ATP8A2: variants seen among roughly 807,000 people sequenced by gnomAD.
The protein encoded by ATP8A2 is ATPase phospholipid transporting 8A2, also known as phospholipid-transporting ATPase IB.
Under a neutral mutation model 165.6 loss-of-function variants are expected in ATP8A2, and 100 were observed. The ratio of observed to expected loss-of-function variants is 0.60; its 90% CI spans 0.51 to 0.71. The LOEUF (loss-of-function observed/expected upper bound fraction) is 0.71, where lower values mean the gene tolerates loss of function less well. Among genes scored for constraint, ATP8A2 ranks in the 30% least tolerant of loss-of-function variants. The pLI is 0.00. For missense variants in ATP8A2, 1,227 were observed against 1,479.5 expected (o/e 0.83, Z 2.80); for synonymous variants, 543 against 548.8 (o/e 0.99, Z 0.15).
intron 6 of ATP8A2, among the ~76,000 whole-genome samples, chr13:25,534,409 T>G (rs1005805636): frequency 1.3e-5 from 2 of 152,190 alleles, no homozygotes; most frequent in African/African-American, 4.8e-5. Flanking sequence ...ATTGCCCCTC[T>G]ATTTCTCTAG....
intron 33 of ATP8A2, among the ~76,000 whole-genome samples, chr13:25,920,925 C>T (rs1393009797): frequency 6.6e-6 from 1 of 152,024 alleles, no homozygotes; most frequent in Non-Finnish European, 1.5e-5. Flanking sequence ...AAAAAATTAG[C>T]CAGGTGTGGT....
intron 33 of ATP8A2, among the ~76,000 whole-genome samples, chr13:25,894,354 C>T (rs1953468967): frequency 6.6e-6 from 1 of 152,126 alleles, no homozygotes; most frequent in Non-Finnish European, 1.5e-5. Context: ...AGATATGCAG[C>T]ATTATTTCTG....
At chr13:25,651,162 C>A (rs1466063035) in intron 24 of ATP8A2, among the ~76,000 whole-genome samples, 1 of 152,216 alleles carries the variant, frequency 6.6e-6, no homozygotes, top group East Asian at 1.9e-4. Context: ...TAAGATTATT[C>A]GGCCAGGCGT....
At chr13:25,403,160 C>T (rs775952824) in intron 1 of ATP8A2, among the ~76,000 whole-genome samples, 3 of 152,112 alleles carry the variant, frequency 2.0e-5, no homozygotes, top group Non-Finnish European at 4.4e-5. Context: ...GACCACAGCA[C>T]CTCTTTTTGC....
At chr13:25,599,044 T>TA (rs2040311359) in intron 24 of ATP8A2, among the ~76,000 whole-genome samples, 1 of 152,208 alleles carries the variant, frequency 6.6e-6, no homozygotes, top group East Asian at 1.9e-4. Context: ...TTTTTTTTTT[T>TA]ATCTTACAGC....
chr13:25,813,824 T>G (rs1293131543), intron 27 of ATP8A2, among the ~76,000 whole-genome samples: 2 of 152,152 alleles, frequency 1.3e-5, no homozygotes, highest in Non-Finnish European at 1.5e-5. Context: ...GGACAGCAGA[T>G]TGCCCTCCCT....
At chr13:25,515,893 G>C (rs1355334850) in intron 2 of ATP8A2, among the ~76,000 whole-genome samples, 1 of 152,128 alleles carries the variant, frequency 6.6e-6, no homozygotes, top group Non-Finnish European at 1.5e-5. Flanking sequence ...TGTGCACTTT[G>C]CTATATATGC....
chr13:25,384,232 A>G (rs1165579724), intron 1 of ATP8A2, among the ~76,000 whole-genome samples: 6 of 152,086 alleles, frequency 3.9e-5, no homozygotes, highest in Non-Finnish European at 7.4e-5. Context: ...TTTAGTTTTG[A>G]TTAGTTTTTA....
intron 32 of ATP8A2, among the ~76,000 whole-genome samples, chr13:25,861,821 G>C (rs1054046953): frequency 6.6e-6 from 1 of 152,192 alleles, no homozygotes; most frequent in African/African-American, 2.4e-5. Context: ...ATGCTTAAAG[G>C]GGCATTGTTA....
chr13:25,437,925 T>C (rs769662821), intron 1 of ATP8A2, among the ~76,000 whole-genome samples: 3 of 152,226 alleles, frequency 2.0e-5, no homozygotes, highest in Non-Finnish European at 4.4e-5. Flanking sequence ...TATAATACTA[T>C]ATGTTGATGA....
intron 30 of ATP8A2, among the ~76,000 whole-genome samples, chr13:25,851,683 C>T (rs751731636): frequency 7.9e-5 from 12 of 152,068 alleles, no homozygotes; most frequent in Non-Finnish European, 1.6e-4. Context: ...AAATTGCCAG[C>T]CTCTGGTACA....
Position 26,020,258 on chromosome 13 carries a change from G to T in ATP8A2, c.*273G>T. 2.3e-6 allele frequency: 1 copy of T among 441,596 alleles called. No individual in the cohort carries two copies. The highest frequency in any genetic ancestry group is 4.1e-6 in the Non-Finnish European group (1 of 246,874). 27.4% of individuals were successfully genotyped at this position (441,596 alleles called of 1,614,324 possible). On this transcript the variant is annotated 3_prime_UTR_variant, in exon 37 of 37. Coordinates refer to ENST00000381655, the MANE Select transcript of ATP8A2 (RefSeq NM_016529.6). ...TGAAGCATTCAACTGTGCTCTGTGA[G>T]GTGTGAAATTAAAAACATTATGTTT...
intron 24 of ATP8A2, among the ~76,000 whole-genome samples, chr13:25,616,480 C>G (rs983140020): frequency 6.6e-6 from 1 of 151,728 alleles, no homozygotes; most frequent in Admixed American, 6.6e-5. Context: ...TACAGGCACC[C>G]GCCACCATGC....
At chr13:25,393,154 G>C (rs1396258711) in intron 1 of ATP8A2, among the ~76,000 whole-genome samples, 5 of 113,848 alleles carry the variant, frequency 4.4e-5, no homozygotes, top group Non-Finnish European at 7.0e-5. Context: ...TTTTAAGACA[G>C]AGGCTTGCTC....
chr13:25,888,372 T>G (rs1953232765), intron 33 of ATP8A2, among the ~76,000 whole-genome samples: 1 of 152,216 alleles, frequency 6.6e-6, no homozygotes, highest in Non-Finnish European at 1.5e-5. Context: ...ATATTTTGTA[T>G]AAAACTTCCG....
At chr13:25,695,989 T>A (rs995465002) in intron 24 of ATP8A2, among the ~76,000 whole-genome samples, 1 of 152,212 alleles carries the variant, frequency 6.6e-6, no homozygotes, top group African/African-American at 2.4e-5. Context: ...TATGGTAGTA[T>A]GAAATCTATT....
chr13:25,824,919 A>T (rs1027532087), intron 27 of ATP8A2, among the ~76,000 whole-genome samples: 3 of 151,750 alleles, frequency 2.0e-5, no homozygotes, highest in African/African-American at 7.2e-5. Context: ...CCTGACCTCT[A>T]TATTTTATCT....
intron 1 of ATP8A2, among the ~76,000 whole-genome samples, chr13:25,436,430 A>G (rs1462441957): frequency 6.6e-6 from 1 of 152,176 alleles, no homozygotes; most frequent in Non-Finnish European, 1.5e-5. Context: ...GTTGCTGCAA[A>G]GGACATTATC....
intron 2 of ATP8A2, among the ~76,000 whole-genome samples, chr13:25,524,068 A>C (rs1239080391): frequency 6.6e-6 from 1 of 151,972 alleles, no homozygotes; most frequent in African/African-American, 2.4e-5. Flanking sequence ...TTCCATATCC[A>C]TTTGTTTCAA....
Sources: gnomAD v4.1 joint callset for allele counts (sites outside exome capture counted in the v4.1 genomes callset) on GRCh38, gnomAD v4.1.1 for gene constraint, MANE v1.5 for transcripts, NCBI Gene and HGNC (gene_info 2026-07-23, HGNC 2026-07-21) for gene names.